Variants in PDE4D observed in about 807,000 individuals in gnomAD.
PDE4D encodes phosphodiesterase 4D.
A neutral mutation model predicts 87.4 loss-of-function variants in PDE4D; 24 were observed. The ratio of observed to expected loss-of-function variants is 0.27; its 90% confidence interval spans 0.20 to 0.39. PDE4D has a LOEUF of 0.39. Among genes scored for constraint, PDE4D ranks in the 10% least tolerant of loss-of-function variants. PDE4D has a pLI of 1.00. For missense variants in PDE4D, 714 were observed against 1,041.0 expected, an observed-to-expected ratio of 0.69 and a Z score of 4.32; for synonymous variants, 384 against 383.2, an observed-to-expected ratio of 1.00 and a Z score of -0.02.
At chr5:59,476,875 G>A (rs575402480) in intron 1 of PDE4D, among the ~76,000 whole-genome samples, 1 of 151,886 alleles carries the variant, frequency 6.6e-6, no homozygotes, top group Non-Finnish European at 1.5e-5. Flanking sequence ...AACATTGCTT[G>A]CAAACTACAC....
intron 1 of PDE4D, among the ~76,000 whole-genome samples, chr5:59,388,934 G>C (rs1787674729): frequency 6.6e-6 from 1 of 151,982 alleles, no homozygotes; most frequent in South Asian, 2.1e-4. Context: ...AGGTTTTGGG[G>C]ATGAAGAGAT....
chr5:59,791,576 T>A (rs769066837), intron 1 of PDE4D, among the ~76,000 whole-genome samples: 13 of 152,232 alleles, frequency 8.5e-5, no homozygotes, highest in Non-Finnish European at 1.8e-4. Flanking sequence ...TATTTGACAT[T>A]ATTAACATGG....
chr5:60,445,285 T>G (rs1745558920), intron 1 of PDE4D, among the ~76,000 whole-genome samples: 1 of 152,192 alleles, frequency 6.6e-6, no homozygotes, highest in Non-Finnish European at 1.5e-5. Flanking sequence ...AACAATGTTA[T>G]GCTGTCCAAC....
At chr5:60,461,572 T>G (rs1447224937) in intron 1 of PDE4D, among the ~76,000 whole-genome samples, 1 of 152,240 alleles carries the variant, frequency 6.6e-6, no homozygotes, top group Non-Finnish European at 1.5e-5. Flanking sequence ...TGTAATCACA[T>G]CAGAGGAAAG....
chr5:60,130,339 G>C (rs1157728948), intron 2 of PDE4D, among the ~76,000 whole-genome samples: 1 of 152,140 alleles, frequency 6.6e-6, no homozygotes, highest in Non-Finnish European at 1.5e-5. Context: ...CAGTAGAAAA[G>C]TATCCTGGTG....
At chr5:60,511,755 C>A (rs1583964550) in intron 1 of PDE4D, among the ~76,000 whole-genome samples, 2 of 151,806 alleles carry the variant, frequency 1.3e-5, no homozygotes, top group East Asian at 3.9e-4. Flanking sequence ...AATCCATATT[C>A]ATAATTGTCA....
At chr5:60,340,450 T>C (rs1359645144) in intron 1 of PDE4D, among the ~76,000 whole-genome samples, 1 of 152,124 alleles carries the variant, frequency 6.6e-6, no homozygotes, top group Non-Finnish European at 1.5e-5. Flanking sequence ...CCTGGTATAA[T>C]AGTTTCTCCT....
chr5:59,912,242 C>A (rs955523008), intron 3 of PDE4D, among the ~76,000 whole-genome samples: 3 of 152,204 alleles, frequency 2.0e-5, no homozygotes, highest in African/African-American at 7.2e-5. Flanking sequence ...AGTAGGTGCT[C>A]AGAAATCATT....
chr5:59,850,775 G>C (rs551209664), intron 1 of PDE4D, among the ~76,000 whole-genome samples: 4 of 152,026 alleles, frequency 2.6e-5, no homozygotes, highest in Non-Finnish European at 5.9e-5. Flanking sequence ...TGGAAACAAG[G>C]ACAGGACTTA....
chr5:59,377,344 G>A (rs1351311010), intron 1 of PDE4D, among the ~76,000 whole-genome samples: 1 of 151,748 alleles, frequency 6.6e-6, no homozygotes, highest in East Asian at 1.9e-4. Context: ...GTGAACCCAG[G>A]AGGAGGAGGT....
chr5:60,146,857 A>G (rs1286937396), intron 2 of PDE4D, among the ~76,000 whole-genome samples: 3 of 152,230 alleles, frequency 2.0e-5, no homozygotes, highest in African/African-American at 4.8e-5. Context: ...AATGGCCAAC[A>G]GATATATGAA....
intron 1 of PDE4D, among the ~76,000 whole-genome samples, chr5:59,305,444 G>C (rs1053269302): frequency 6.6e-5 from 10 of 151,506 alleles, no homozygotes; most frequent in African/African-American, 2.2e-4. Flanking sequence ...CTTCTGCTGG[G>C]TTTGGGTTTG....
intron 1 of PDE4D, among the ~76,000 whole-genome samples, chr5:59,216,444 T>C (rs1751283242): frequency 6.6e-6 from 1 of 152,160 alleles, no homozygotes; most frequent in Non-Finnish European, 1.5e-5. Flanking sequence ...CTTCCATCCC[T>C]ACTACCAATA....
At chr5:59,284,526 C>T (rs1176383807) in intron 1 of PDE4D, among the ~76,000 whole-genome samples, 1 of 151,462 alleles carries the variant, frequency 6.6e-6, no homozygotes, top group Non-Finnish European at 1.5e-5. Flanking sequence ...CATCTCACAC[C>T]AGTTAGAATG....
chr5:59,929,087 ATG>A lies in PDE4D; in HGVS notation c.272+59399_272+59400del, dbSNP rs944422908. ...TTTTCAATATATGTGTGTGTGTGTT[ATG>A]TGTGTGTGTGTCTCTCTCTATATAT... On this transcript the variant is annotated intron_variant, in intron 3 of 16. Transcript: ENST00000502484. Among the ~76,000 whole-genome samples the A allele has an allele frequency of 5.9e-4, 89 of 151,498 alleles. 1 individual carries two copies. The highest frequency in any genetic ancestry group is 1.9e-3 in the African/African-American group (78 of 41,424).
chr5:60,000,222 C>A (rs1009884483), intron 2 of PDE4D, among the ~76,000 whole-genome samples: 11 of 151,916 alleles, frequency 7.2e-5, no homozygotes, highest in Admixed American at 2.6e-4. Context: ...AGGAAATGAA[C>A]AACCAAATTC....
intron 2 of PDE4D, among the ~76,000 whole-genome samples, chr5:60,149,255 G>C (rs1235720723): frequency 6.6e-6 from 1 of 152,140 alleles, no homozygotes; most frequent in Non-Finnish European, 1.5e-5. Flanking sequence ...TGGAGGCTGT[G>C]AAGGCCAAGA....
chr5:59,858,769 T>C (rs1267277901), intron 1 of PDE4D, among the ~76,000 whole-genome samples: 1 of 152,184 alleles, frequency 6.6e-6, no homozygotes, highest in African/African-American at 2.4e-5. Flanking sequence ...CCTTTTGCCT[T>C]CATGGTGGGA....
chr5:60,464,497 A>G (rs77297222), intron 1 of PDE4D, among the ~76,000 whole-genome samples: 19,500 of 152,156 alleles, frequency 0.13, 1,362 homozygotes, highest in Non-Finnish European at 0.16. Flanking sequence ...AGAGGAAGTT[A>G]AAAAAACTCT....
Sources: allele counts gnomAD v4.1 joint callset (sites outside exome capture counted in the v4.1 genomes callset), GRCh38; gene constraint gnomAD v4.1.1; transcripts MANE v1.5; gene names NCBI Gene and HGNC (gene_info 2026-07-23, HGNC 2026-07-21).